TAMM41: variants seen among roughly 807,000 people sequenced by gnomAD.
The protein encoded by TAMM41 is phosphatidate cytidylyltransferase, mitochondrial.
A neutral mutation model predicts 44.1 loss-of-function variants in TAMM41; 36 were observed. That is an observed-to-expected ratio of 0.82 (90% CI 0.63 to 1.08). The LOEUF (loss-of-function observed/expected upper bound fraction) is 1.08, where lower values mean the gene tolerates loss of function less well. Among genes scored for constraint, TAMM41 ranks in the 50% least tolerant of loss-of-function variants. The pLI is 0.00. For synonymous variants in TAMM41, 164 were observed against 153.1 expected, an observed-to-expected ratio of 1.07 and a Z score of -0.53; for missense variants, 417 against 404.3, an observed-to-expected ratio of 1.03 and a Z score of -0.27.
rs150013715 is a variant in TAMM41, at chr3:11,829,825, A to G, written c.451T>C (p.Ser151Pro). The change falls in exon 4 of 8, where the codon TCA becomes CCA. Residue 151 changes from serine (S) to proline (P), a missense_variant. Physicochemically the swap from Ser to Pro is moderately conservative, Grantham distance 74. Coordinates refer to ENST00000455809, the MANE Select transcript of TAMM41 (RefSeq NM_001284401.2). ...CTCTTCAGATTTCTATCGAGGGCTG[A>G]TCTAAGAGTGACATCCTCGTTCACT... The part of the protein sequence containing the change: ...ISVNEDVTLR[S>P]ALDRNLKSAV... 307 of 1,614,186 alleles carry G rather than the reference A, an allele frequency of 1.9e-4. 1 individual carries two copies. The African/African-American group carries it at 3.6e-3, about 19-fold the overall frequency.
the TAMM41 span, among the ~76,000 whole-genome samples, chr3:11,723,416 CA>C: frequency 6.6e-6 from 1 of 151,758 alleles, no homozygotes; most frequent in African/African-American, 2.4e-5. Context: ...CCCATCTCTA[CA>C]AAAAATCCAA....
downstream of TAMM41, among the ~76,000 whole-genome samples, chr3:11,786,286 T>A (rs925470478): frequency 0.015 from 2,014 of 138,802 alleles, 42 homozygotes; most frequent in African/African-American, 0.052. Context: ...TTTATTTAAT[T>A]TTATTATTAT....
the TAMM41 span, among the ~76,000 whole-genome samples, chr3:11,769,192 C>T: frequency 3.3e-5 from 5 of 152,086 alleles, no homozygotes; most frequent in Admixed American, 6.6e-5. Context: ...CGGGTTCAAG[C>T]GATTCTCCTG....
chr3:11,723,989 C>T, the TAMM41 span, among the ~76,000 whole-genome samples: 1 of 150,608 alleles, frequency 6.6e-6, no homozygotes, highest in Non-Finnish European at 1.5e-5. Flanking sequence ...GAGGTAGCCC[C>T]TCAGTGGGGG....
chr3:11,748,242 CATATTA>C, the TAMM41 span, among the ~76,000 whole-genome samples: 3 of 105,620 alleles, frequency 2.8e-5, no homozygotes, highest in East Asian at 5.7e-4. Flanking sequence ...TCACATGTCT[CATATTA>C]ATATTAATAT....
the TAMM41 span, among the ~76,000 whole-genome samples, chr3:11,770,991 G>A: frequency 2.6e-4 from 39 of 151,946 alleles, no homozygotes; most frequent in African/African-American, 4.8e-5. Flanking sequence ...CCTGCTCTCC[G>A]CAGCCCTGAG....
At chr3:11,785,167 CTA>C in the TAMM41 span, among the ~76,000 whole-genome samples, 1 of 152,196 alleles carries the variant, frequency 6.6e-6, no homozygotes, top group African/African-American at 2.4e-5. Flanking sequence ...AGCCTGCAAA[CTA>C]TGTTGCCCAG....
At chr3:11,786,258 C>CATTTATTT (rs58941446), downstream of TAMM41, among the ~76,000 whole-genome samples, 66 of 143,246 alleles carry the variant, frequency 4.6e-4, no homozygotes, top group East Asian at 3.3e-3. Context: ...CATTAAGTTC[C>CATTTATTT]ATTTATTTAT....
At chr3:11,758,166 C>G in the TAMM41 span, among the ~76,000 whole-genome samples, 28 of 152,212 alleles carry the variant, frequency 1.8e-4, no homozygotes, top group African/African-American at 6.7e-4. Flanking sequence ...GGAGACGATC[C>G]CAGTTGTCTG....
At chr3:11,740,609 T>C in the TAMM41 span, among the ~76,000 whole-genome samples, 1 of 151,720 alleles carries the variant, frequency 6.6e-6, no homozygotes, top group South Asian at 2.1e-4. Flanking sequence ...TGAGACGGAG[T>C]TTTGCTCTTG....
the TAMM41 span, among the ~76,000 whole-genome samples, chr3:11,735,923 G>C: frequency 6.6e-6 from 1 of 152,100 alleles, no homozygotes; most frequent in East Asian, 1.9e-4. Flanking sequence ...GCTGCAGTGG[G>C]GTTGGAATGA....
the TAMM41 span, among the ~76,000 whole-genome samples, chr3:11,728,458 C>G: frequency 6.6e-6 from 1 of 152,194 alleles, no homozygotes; most frequent in Non-Finnish European, 1.5e-5. Flanking sequence ...TGCAAAATGT[C>G]TGTACAAGTA....
chr3:11,750,175 C>T, the TAMM41 span, among the ~76,000 whole-genome samples: 4 of 152,052 alleles, frequency 2.6e-5, no homozygotes, highest in Non-Finnish European at 5.9e-5. Context: ...GGATTACAGG[C>T]GTGAGCCACT....
chr3:11,781,074 A>ATTGAAT, the TAMM41 span, among the ~76,000 whole-genome samples: 1 of 152,168 alleles, frequency 6.6e-6, no homozygotes, highest in East Asian at 1.9e-4. Flanking sequence ...AATTCAACTA[A>ATTGAAT]TACCAGTTGA....
chr3:11,737,866 G>A, the TAMM41 span, among the ~76,000 whole-genome samples: 1 of 152,180 alleles, frequency 6.6e-6, no homozygotes, highest in Non-Finnish European at 1.5e-5. Flanking sequence ...TGGTCGCTGG[G>A]CTCCTGTGGT....
chr3:11,790,083 T>C (rs1035693404), downstream of TAMM41, among the ~76,000 whole-genome samples: 10 of 152,116 alleles, frequency 6.6e-5, no homozygotes, highest in African/African-American at 2.4e-4. Context: ...ACGTGACACT[T>C]GCGAGCCCCT....
At chr3:11,823,043 G>A (rs1315030689) in intron 4 of TAMM41, among the ~76,000 whole-genome samples, 1 of 152,090 alleles carries the variant, frequency 6.6e-6, no homozygotes, top group East Asian at 1.9e-4. Context: ...ACTTGTTCTT[G>A]CCTTTCTTTT....
intron 3 of TAMM41, chr3:11,833,134 G>T: frequency 7.8e-7 from 1 of 1,285,076 alleles, no homozygotes. Context: ...TGAACTCTTG[G>T]GACACTGCCA....
chr3:11,827,209 T>G (rs2078787743), intron 4 of TAMM41, among the ~76,000 whole-genome samples: 1 of 152,196 alleles, frequency 6.6e-6, no homozygotes, highest in African/African-American at 2.4e-5. Flanking sequence ...AAGTTCAAGG[T>G]GACTCTTTAA....
Sources: gnomAD v4.1 joint callset for allele counts (sites outside exome capture counted in the v4.1 genomes callset) on GRCh38, gnomAD v4.1.1 for gene constraint, MANE v1.5 for transcripts, NCBI Gene and HGNC (gene_info 2026-07-23, HGNC 2026-07-21) for gene names.